MGAT5: variants seen among roughly 807,000 people sequenced by gnomAD.
The protein encoded by MGAT5 is alpha-1,6-mannosylglycoprotein 6-beta-N-acetylglucosaminyltransferase A.
Under a neutral mutation model 94.3 loss-of-function variants are expected in MGAT5, and 30 were observed. The ratio of observed to expected loss-of-function variants is 0.32; its 90% CI spans 0.24 to 0.43. The LOEUF is 0.43. Among genes scored for constraint, MGAT5 ranks in the 20% least tolerant of loss-of-function variants. The pLI is 1.00. For synonymous variants in MGAT5, 310 were observed against 322.9 expected, an observed-to-expected ratio of 0.96 and a Z score of 0.43; for missense variants, 691 against 905.5, an observed-to-expected ratio of 0.76 and a Z score of 3.04.
intron 1 of MGAT5, among the ~76,000 whole-genome samples, chr2:134,168,656 A>C (rs1443362832): frequency 6.6e-6 from 1 of 152,226 alleles, no homozygotes; most frequent in East Asian, 1.9e-4. Flanking sequence ...GAAGATTGAA[A>C]GACTTAAAGT....
In MGAT5 at chr2:134,381,536, C is replaced by CAGACAGACAGATAGATAGATAGATAGAT. The variant is rs59821586; in HGVS notation, c.1380+19131_1380+19132insCAGACAGATAGATAGATAGATAGATAGA. 3.3e-4 allele frequency among the ~76,000 whole-genome samples: 49 copies of CAGACAGACAGATAGATAGATAGATAGAT among 146,960 alleles called. 1 individual carries two copies. In the Middle Eastern group the frequency reaches 0.011, roughly 32 times the overall value. ...CCAGACAGACAGACAGACAGACAGA[C>CAGACAGACAGATAGATAGATAGATAGAT]AGATAGATAGATAGATAGATAGCAC... On this transcript the variant is annotated intron_variant, in intron 10 of 15. Coordinates refer to ENST00000281923, the MANE Select transcript of MGAT5 (RefSeq NM_002410.5).
At chr2:134,157,099 C>T (rs1361115189) in intron 1 of MGAT5, among the ~76,000 whole-genome samples, 1 of 152,168 alleles carries the variant, frequency 6.6e-6, no homozygotes, top group Non-Finnish European at 1.5e-5. Flanking sequence ...CTTACTAAGC[C>T]TCAGCATCCT....
At chr2:134,126,395 C>A (rs1558945387) in intron 1 of MGAT5, among the ~76,000 whole-genome samples, 1 of 152,162 alleles carries the variant, frequency 6.6e-6, no homozygotes, top group African/African-American at 2.4e-5. Flanking sequence ...TCCAAAGATC[C>A]GTTCAGTTCC....
chr2:134,170,709 T>C (rs1398209755), intron 1 of MGAT5, among the ~76,000 whole-genome samples: 2 of 152,168 alleles, frequency 1.3e-5, no homozygotes, highest in African/African-American at 4.8e-5. Flanking sequence ...GTTTTACAAT[T>C]TTCTGCTCAT....
chr2:134,131,348 A>C (rs1040544614), intron 1 of MGAT5, among the ~76,000 whole-genome samples: 1 of 152,210 alleles, frequency 6.6e-6, no homozygotes, highest in Non-Finnish European at 1.5e-5. Flanking sequence ...CCGAGGTGCA[A>C]AGGAAACTTG....
chr2:134,331,945 G>A (rs1287860266), intron 4 of MGAT5, among the ~76,000 whole-genome samples: 1 of 151,530 alleles, frequency 6.6e-6, no homozygotes, highest in Non-Finnish European at 1.5e-5. Flanking sequence ...AACATTCCAT[G>A]CTCATGGGTA....
At chr2:134,271,572 T>A (rs1370128169) in intron 2 of MGAT5, among the ~76,000 whole-genome samples, 1 of 152,232 alleles carries the variant, frequency 6.6e-6, no homozygotes, top group African/African-American at 2.4e-5. Context: ...AGAGATTCTT[T>A]ACCTTTCCCA....
intron 1 of MGAT5, among the ~76,000 whole-genome samples, chr2:134,138,412 C>G (rs1316239173): frequency 1.3e-5 from 2 of 152,044 alleles, no homozygotes; most frequent in African/African-American, 4.8e-5. Context: ...GTTAAAGTAC[C>G]CATGTGTGGT....
intron 1 of MGAT5, among the ~76,000 whole-genome samples, chr2:134,194,391 C>A (rs907683879): frequency 6.6e-6 from 1 of 152,140 alleles, no homozygotes; most frequent in Non-Finnish European, 1.5e-5. Flanking sequence ...GGCTTTAATA[C>A]TACTGCTGTT....
In MGAT5 at chr2:134,263,461, G is replaced by A. The variant is rs77774188; in HGVS notation, c.242-6925G>A. On this transcript the variant is annotated intron_variant, in intron 1 of 15. Transcript: ENST00000281923. ...AAATCTGTAGTTCTAACCCAGAAGAGAAGGCTAGTCAGTGTTGCTGAGCAT... is the reference window on the plus strand; with the variant it reads ...AAATCTGTAGTTCTAACCCAGAAGAAAAGGCTAGTCAGTGTTGCTGAGCAT... Among the ~76,000 whole-genome samples, 437 of 152,332 alleles carry A rather than the reference G, an allele frequency of 2.9e-3. 3 individuals carry two copies. Among genetic ancestry groups the A allele is most frequent in the African/African-American group, 9.6e-3 (397 of 41,560 alleles).
chr2:134,361,553 G>A (rs1227341156), intron 9 of MGAT5, among the ~76,000 whole-genome samples: 1 of 152,178 alleles, frequency 6.6e-6, no homozygotes, highest in African/African-American at 2.4e-5. Context: ...TTGGTCAAGC[G>A]TTAGAGAAGT....
At chr2:134,440,547 T>G (rs1253626268) in intron 14 of MGAT5, among the ~76,000 whole-genome samples, 1 of 152,214 alleles carries the variant, frequency 6.6e-6, no homozygotes, top group Non-Finnish European at 1.5e-5. Flanking sequence ...CTGCTTCCCG[T>G]CTGGCACCCT....
intron 1 of MGAT5, among the ~76,000 whole-genome samples, chr2:134,183,869 G>A (rs1000495172): frequency 6.6e-6 from 1 of 152,152 alleles, no homozygotes; most frequent in Non-Finnish European, 1.5e-5. Context: ...CAGGCCATGC[G>A]GGACATGAAA....
At chr2:134,354,717 C>G (rs1260254615) in intron 9 of MGAT5, among the ~76,000 whole-genome samples, 1 of 152,124 alleles carries the variant, frequency 6.6e-6, no homozygotes, top group Admixed American at 6.5e-5. Flanking sequence ...CTGACACCTT[C>G]CTAAGCAGCT....
rs540345355 is a variant in MGAT5, at chr2:134,174,399, G to T, written c.-143+54108G>T. Among the ~76,000 whole-genome samples, 5 of 152,380 alleles carry T rather than the reference G, an allele frequency of 3.3e-5. No individual in the cohort carries two copies. The East Asian group carries it at 5.8e-4, about 18-fold the overall frequency. On this transcript the variant is annotated intron_variant, in intron 1 of 16. Coordinates refer to the MGAT5 transcript ENST00000409645. ...TGGGTCTGTCTAGACATTATTTGAG[G>T]GCTAGCGCTGGCTTCACTCACCTCT...
chr2:134,413,346 T>G (rs1683778097), intron 12 of MGAT5, among the ~76,000 whole-genome samples: 1 of 152,178 alleles, frequency 6.6e-6, no homozygotes, highest in Non-Finnish European at 1.5e-5. Flanking sequence ...AGCAGATACT[T>G]GTGAAGAATC....
At chr2:134,201,443 T>C (rs1020151007) in intron 1 of MGAT5, among the ~76,000 whole-genome samples, 1 of 152,124 alleles carries the variant, frequency 6.6e-6, no homozygotes, top group African/African-American at 2.4e-5. Context: ...CTGTTTGACA[T>C]TAGGGAACCA....
intron 10 of MGAT5, among the ~76,000 whole-genome samples, chr2:134,376,959 C>G (rs1391871943): frequency 6.6e-6 from 1 of 152,184 alleles, no homozygotes; most frequent in African/African-American, 2.4e-5. Flanking sequence ...ATCCTTTCAC[C>G]TACCTAAACC....
At chr2:134,273,622 CTGTG>C (rs3034326) in intron 2 of MGAT5, among the ~76,000 whole-genome samples, 11 of 149,840 alleles carry the variant, frequency 7.3e-5, no homozygotes, top group African/African-American at 2.0e-4. Context: ...GGGGATAGCT[CTGTG>C]TGTGTGTGTG....
Sources: allele counts gnomAD v4.1 joint callset (sites outside exome capture counted in the v4.1 genomes callset), GRCh38; gene constraint gnomAD v4.1.1; transcripts MANE v1.5; gene names NCBI Gene and HGNC (gene_info 2026-07-23, HGNC 2026-07-21).